The following VPS35L variants were observed in gnomAD, a reference collection of about 807,000 sequenced individuals.
VPS35L encodes the protein VPS35 endosomal protein sorting factor like.
A neutral mutation model predicts 133.0 loss-of-function variants in VPS35L; 83 were observed. The observed-to-expected ratio is 0.62, with a 90% CI of 0.52 to 0.75. The LOEUF (loss-of-function observed/expected upper bound fraction) is 0.75. Ranked by LOEUF, VPS35L falls within the 30% of genes least tolerant of loss-of-function variation. VPS35L has a pLI of 0.00. For missense variants in VPS35L, 1,083 were observed against 1,206.8 expected (o/e 0.90, Z 1.52); for synonymous variants, 423 against 449.9 (o/e 0.94, Z 0.76).
rs542122116 is a variant in VPS35L at position 19,675,051 on chromosome 16, C to T, written c.2361+5752C>T. ...GGCATCAACCTTGACCTCCTGGGCT[C>T]AAATATTGTCCCAACTCAGCCTCTT... On this transcript the variant is annotated intron_variant, in intron 27 of 30. Coordinates refer to ENST00000417362, the MANE Select transcript of VPS35L (RefSeq NM_020314.7). 2.2e-4 allele frequency among the ~76,000 whole-genome samples: 33 copies of T among 151,520 alleles called. 1 individual carries two copies. Among genetic ancestry groups the T allele is most frequent in the African/African-American group, 7.5e-4 (31 of 41,244 alleles).
At chr16:19,555,816 T>A in intron 1 of VPS35L, 70 bp downstream of exon 1, 8 of 1,513,620 alleles carry the variant, frequency 5.3e-6, no homozygotes, top group Non-Finnish European at 7.1e-6. Context: ...GGCCTGGGTC[T>A]GAGAGTGTGA....
intron 8 of VPS35L, among the ~76,000 whole-genome samples, chr16:19,600,366 A>G (rs768449903): frequency 1.3e-5 from 2 of 152,226 alleles, no homozygotes; most frequent in Non-Finnish European, 2.9e-5. Flanking sequence ...ACATATTGAT[A>G]ACATTTTGAA....
intron 26 of VPS35L, among the ~76,000 whole-genome samples, chr16:19,665,555 C>A (rs1974635759): frequency 6.6e-6 from 1 of 152,132 alleles, no homozygotes; most frequent in African/African-American, 2.4e-5. Flanking sequence ...GTATATGTAC[C>A]ACATTTTCTT....
chr16:19,567,058 G>T (rs73529899), intron 2 of VPS35L, among the ~76,000 whole-genome samples: 5,088 of 152,166 alleles, frequency 0.033, 272 homozygotes, highest in African/African-American at 0.11. Flanking sequence ...GGCCCAGTTG[G>T]CCCCCTTTAA....
Position 19,593,746 on chromosome 16 carries a change from G to A in VPS35L, c.724+1872G>A, listed in dbSNP as rs187603991. ...AGCCTGGCCAACATGGTGAAACCCCGTCTCTACTAAAAATACAAAAATTAG... is the reference window on the plus strand; with the variant it reads ...AGCCTGGCCAACATGGTGAAACCCCATCTCTACTAAAAATACAAAAATTAG... On this transcript the variant is annotated intron_variant, in intron 8 of 30. Coordinates refer to ENST00000417362, the MANE Select transcript of VPS35L (RefSeq NM_020314.7). 2.1e-3 allele frequency among the ~76,000 whole-genome samples: 326 copies of A among 151,980 alleles called. 1 individual carries two copies. Among genetic ancestry groups the A allele is most frequent in the African/African-American group, 7.7e-3 (319 of 41,442 alleles).
intron 1 of VPS35L, among the ~76,000 whole-genome samples, chr16:19,559,939 C>G (rs974211020): frequency 2.6e-5 from 4 of 152,142 alleles, no homozygotes; most frequent in Non-Finnish European, 5.9e-5. Flanking sequence ...CCACCCACCT[C>G]GGCTTCCCCC....
chr16:19,635,739 T>C (rs1327648864), intron 19 of VPS35L, among the ~76,000 whole-genome samples: 1 of 152,206 alleles, frequency 6.6e-6, no homozygotes, highest in African/African-American at 2.4e-5. Flanking sequence ...TACTCTCATA[T>C]AGTTCAGGGA....
chr16:19,617,204 A>C (rs926444511), intron 14 of VPS35L: 17 of 492,568 alleles, frequency 3.5e-5, no homozygotes, highest in Non-Finnish European at 5.8e-5. Context: ...AAAAAATAGA[A>C]AAAATTAGCC....
At chr16:19,613,176 G>A (rs1024251331) in intron 12 of VPS35L, among the ~76,000 whole-genome samples, 3 of 152,108 alleles carry the variant, frequency 2.0e-5, no homozygotes, top group East Asian at 1.9e-4. Flanking sequence ...GGTGGTACAC[G>A]CCTGTAGTCC....
chr16:19,562,430 T>C (rs183812063), intron 1 of VPS35L, among the ~76,000 whole-genome samples: 1 of 152,136 alleles, frequency 6.6e-6, no homozygotes, highest in East Asian at 1.9e-4. Context: ...CAGAGTTTGG[T>C]CAAGGAGAGA....
intron 26 of VPS35L, among the ~76,000 whole-genome samples, chr16:19,668,941 GAC>G (rs1974784229): frequency 2.0e-5 from 3 of 152,264 alleles, no homozygotes; most frequent in African/African-American, 7.2e-5. Flanking sequence ...ATAATCTAAA[GAC>G]AATTTAACAG....
intron 8 of VPS35L, among the ~76,000 whole-genome samples, chr16:19,592,249 T>G (rs2151528861): frequency 6.6e-6 from 1 of 151,384 alleles, no homozygotes; most frequent in Non-Finnish European, 1.5e-5. Flanking sequence ...TAAGTTTTTT[T>G]TTTTTTTTTT....
chr16:19,667,912 G>C (rs1452786672), intron 26 of VPS35L, among the ~76,000 whole-genome samples: 1 of 152,040 alleles, frequency 6.6e-6, no homozygotes, highest in Non-Finnish European at 1.5e-5. Context: ...GAAGGGGTTT[G>C]AGTTTGGGGT....
chr16:19,658,686 GGAA>G (rs1974384429), intron 26 of VPS35L, among the ~76,000 whole-genome samples: 6 of 136,270 alleles, frequency 4.4e-5, no homozygotes, highest in African/African-American at 6.7e-5. Context: ...ACTTGAAAGA[GGAA>G]AAAAAAAAAG....
At chr16:19,604,375 A>G (rs1371537768) in intron 9 of VPS35L, among the ~76,000 whole-genome samples, 1 of 152,210 alleles carries the variant, frequency 6.6e-6, no homozygotes, top group Non-Finnish European at 1.5e-5. Context: ...CCTAAACTTA[A>G]AAGTTCAAAA....
chr16:19,628,395 T>A (rs1055689106), intron 16 of VPS35L, among the ~76,000 whole-genome samples: 1 of 152,176 alleles, frequency 6.6e-6, no homozygotes, highest in African/African-American at 2.4e-5. Context: ...TCATTATTTA[T>A]GAAAAACTTT....
At chr16:19,627,577 TCCCCA>T in intron 15 of VPS35L, 112 bp from the exon 16 acceptor site, 1 of 785,014 alleles carries the variant, frequency 1.3e-6, no homozygotes, top group Non-Finnish European at 2.1e-6. Flanking sequence ...TTTTTGTTTT[TCCCCA>T]ACCCTACCGC....
chr16:19,663,080 C>T (rs1389723253), intron 26 of VPS35L, among the ~76,000 whole-genome samples: 5 of 152,016 alleles, frequency 3.3e-5, no homozygotes, highest in Non-Finnish European at 5.9e-5. Context: ...GAGGCAGAGG[C>T]GGGCAGATCA....
chr16:19,695,931 G>C (rs778713721), intron 29 of VPS35L, among the ~76,000 whole-genome samples: 3 of 151,838 alleles, frequency 2.0e-5, no homozygotes, highest in Non-Finnish European at 2.9e-5. Flanking sequence ...CTGTTGCCCA[G>C]ACTGGAGTGT....
Sources: gnomAD v4.1 joint callset for allele counts (sites outside exome capture counted in the v4.1 genomes callset) on GRCh38, gnomAD v4.1.1 for gene constraint, MANE v1.5 for transcripts, NCBI Gene and HGNC (gene_info 2026-07-23, HGNC 2026-07-21) for gene names.